Variants in FANCD2 observed in about 807,000 individuals in gnomAD.
FANCD2 encodes the protein Fanconi anemia group D2 protein.
FANCD2 carries 131 observed loss-of-function variants against 192.3 expected under a neutral mutation model. The ratio of observed to expected loss-of-function variants is 0.68; its 90% confidence interval spans 0.59 to 0.79. The LOEUF is 0.79. Among genes scored for constraint, FANCD2 ranks in the 30% least tolerant of loss-of-function variants. The pLI is 0.00. For missense variants in FANCD2, 1,508 were observed against 1,701.6 expected (o/e 0.89, Z 2.00); for synonymous variants, 524 against 612.5 (o/e 0.86, Z 2.13).
At chr3:10,078,032 T>C (rs779440211) in intron 29 of FANCD2, 49 bp from the exon 30 acceptor site, 2 of 1,272,634 alleles carry the variant, frequency 1.6e-6, no homozygotes, top group East Asian at 4.6e-5. Flanking sequence ...AAAATTATCA[T>C]GAAATGACTA....
intron 16 of FANCD2, among the ~76,000 whole-genome samples, chr3:10,049,004 TTTAGCTCCTTGA>T: frequency 6.6e-6 from 1 of 151,874 alleles, no homozygotes; most frequent in Admixed American, 6.6e-5. Context: ...CTTTAAAGCT[TTTAGCTCCTTGA>T]GTGCCATCTT....
At chr3:10,063,994 A>C (rs2087643498) in intron 21 of FANCD2, 83 bp downstream of exon 21, 2 of 1,591,962 alleles carry the variant, frequency 1.3e-6, no homozygotes, top group Non-Finnish European at 1.7e-6. Flanking sequence ...TTGCAGTGTG[A>C]AAATAGATCA....
chr3:10,085,443 G>A (rs1694129366), intron 32 of FANCD2, among the ~76,000 whole-genome samples: 2 of 148,288 alleles, frequency 1.3e-5, no homozygotes, highest in South Asian at 4.2e-4. Flanking sequence ...CCAGGCTGGA[G>A]TGCAGTGGCA....
In FANCD2 at chr3:10,063,672, G is replaced by A. The variant is rs950546073; in HGVS notation, c.1828-120G>A. On this transcript the variant is annotated intron_variant, in intron 20 of 43. Coordinates refer to ENST00000675286, the MANE Select transcript of FANCD2 (RefSeq NM_001018115.3). ...GTCAGAACATTCAGGAAAACTTCAAGTGAGACATAGAGCTTTGCCAGTAAA... is the reference window on the plus strand; with the variant it reads ...GTCAGAACATTCAGGAAAACTTCAAATGAGACATAGAGCTTTGCCAGTAAA... 4.5e-6 allele frequency: 6 copies of A among 1,327,294 alleles called. No individual in the cohort carries two copies. The African/African-American group carries it at 7.2e-5, about 16-fold the overall frequency. The allele number at this position is 1,327,294 out of a possible 1,614,324, so 82.2% of individuals were successfully genotyped here. A position where few individuals can be genotyped will look rare whatever the true frequency, so the allele number is the denominator to read the frequency against.
intron 7 of FANCD2, among the ~76,000 whole-genome samples, chr3:10,038,515 T>A (rs2086785143): frequency 6.6e-6 from 1 of 152,110 alleles, no homozygotes; most frequent in Non-Finnish European, 1.5e-5. Context: ...TATAAATGAT[T>A]TTTAGTACTT....
intron 26 of FANCD2, among the ~76,000 whole-genome samples, chr3:10,067,659 G>C (rs141634477): frequency 6.6e-6 from 1 of 152,098 alleles, no homozygotes. Flanking sequence ...TTAGCCAGGC[G>C]TGGTTGTGGG....
intron 30 of FANCD2, among the ~76,000 whole-genome samples, chr3:10,078,966 T>G (rs934562251): frequency 2.0e-5 from 3 of 150,712 alleles, no homozygotes; most frequent in African/African-American, 7.3e-5. Context: ...AGTCTACCTG[T>G]GCAGTGGTTC....
chr3:10,089,774 T>C (rs1694472989), intron 36 of FANCD2, among the ~76,000 whole-genome samples: 1 of 152,196 alleles, frequency 6.6e-6, no homozygotes, highest in Non-Finnish European at 1.5e-5. Flanking sequence ...AGCTGAGATA[T>C]TTTAGCCATC....
chr3:10,099,185 T>C (rs912285261), intron 43 of FANCD2: 3 of 1,404,626 alleles, frequency 2.1e-6, no homozygotes, highest in Admixed American at 5.9e-5. Flanking sequence ...ATTTGAAACA[T>C]ACAAAAATAG....
At chr3:10,045,164 GTTTTGT>G (rs56931017) in intron 14 of FANCD2, among the ~76,000 whole-genome samples, 22 of 145,240 alleles carry the variant, frequency 1.5e-4, no homozygotes, top group Non-Finnish European at 2.5e-4. Context: ...TTTTTGTTTT[GTTTTGT>G]TTTTGTTTTT....
chr3:10,079,877 T>C (rs927313015), intron 30 of FANCD2, among the ~76,000 whole-genome samples: 1 of 152,096 alleles, frequency 6.6e-6, no homozygotes, highest in South Asian at 2.1e-4. Context: ...AACATTAATA[T>C]ATCCCGTTTC....
chr3:10,039,412 T>G, intron 8 of FANCD2, 55 bp downstream of exon 8: 1 of 1,421,124 alleles, frequency 7.0e-7, no homozygotes, highest in Non-Finnish European at 9.9e-7. Flanking sequence ...TCATATCTTT[T>G]GGAGGTTGTA....
At chr3:10,031,903 G>A (rs982434598) in intron 2 of FANCD2, among the ~76,000 whole-genome samples, 3 of 152,140 alleles carry the variant, frequency 2.0e-5, no homozygotes, top group Non-Finnish European at 4.4e-5. Flanking sequence ...CAGGAGTGAA[G>A]TGGCGCGATC....
chr3:10,064,285 A>C, intron 21 of FANCD2, 71 bp from the exon 22 acceptor site: 5 of 1,010,506 alleles, frequency 4.9e-6, no homozygotes, highest in Non-Finnish European at 7.9e-6. Flanking sequence ...AGAAAGGTTA[A>C]GAGTAATTTA....
intron 19 of FANCD2, among the ~76,000 whole-genome samples, chr3:10,060,766 C>G (rs1270576996): frequency 6.6e-6 from 1 of 152,156 alleles, no homozygotes; most frequent in Non-Finnish European, 1.5e-5. Flanking sequence ...TCATTCCTGT[C>G]GGGAACTTTA....
At chr3:10,091,526 A>G (rs1030762411) in intron 37 of FANCD2, among the ~76,000 whole-genome samples, 5 of 151,840 alleles carry the variant, frequency 3.3e-5, no homozygotes, top group East Asian at 3.9e-4. Context: ...CTGCTTCCCT[A>G]TGCTAGCCCT....
At chr3:10,066,795 G>C (rs2087732089) in intron 25 of FANCD2, among the ~76,000 whole-genome samples, 2 of 152,056 alleles carry the variant, frequency 1.3e-5, no homozygotes, top group Non-Finnish European at 2.9e-5. Flanking sequence ...CTCAATCTCG[G>C]CTCACTGCAA....
intron 26 of FANCD2, among the ~76,000 whole-genome samples, chr3:10,067,595 C>T (rs1274382747): frequency 1.3e-5 from 2 of 152,130 alleles, no homozygotes; most frequent in African/African-American, 2.4e-5. Context: ...GTCAGGAATT[C>T]GAGACCAGCC....
At chr3:10,050,979 G>A (rs2087184407) in intron 17 of FANCD2, among the ~76,000 whole-genome samples, 1 of 151,788 alleles carries the variant, frequency 6.6e-6, no homozygotes, top group Admixed American at 6.6e-5. Flanking sequence ...CCAGCTACTC[G>A]GGAGGCTGAG....
Sources: allele counts gnomAD v4.1 joint callset (sites outside exome capture counted in the v4.1 genomes callset), GRCh38; gene constraint gnomAD v4.1.1; transcripts MANE v1.5; gene names NCBI Gene and HGNC (gene_info 2026-07-23, HGNC 2026-07-21).